The following KDM4C variants were observed in gnomAD, a reference collection of about 807,000 sequenced individuals.
The protein encoded by KDM4C is lysine demethylase 4C, also known as lysine-specific demethylase 4C.
In KDM4C, 81 loss-of-function variants were observed where a neutral mutation model predicts 129.3. That is an observed-to-expected ratio of 0.63 (90% confidence interval 0.52 to 0.75). The LOEUF (loss-of-function observed/expected upper bound fraction) is 0.75. KDM4C is among the 30% of genes least tolerant of loss of function. KDM4C has a pLI of 0.00. For missense variants in KDM4C, 1,457 were observed against 1,304.0 expected, an observed-to-expected ratio of 1.12 and a Z score of -1.81; for synonymous variants, 573 against 456.1, an observed-to-expected ratio of 1.26 and a Z score of -3.26.
chr9:6,972,902 C>G (rs1335494882), intron 8 of KDM4C, among the ~76,000 whole-genome samples: 1 of 152,096 alleles, frequency 6.6e-6, no homozygotes, highest in South Asian at 2.1e-4. Context: ...GTGTGTTTTT[C>G]TATCTTCTGT....
At chr9:6,937,925 T>C (rs1306890070) in intron 8 of KDM4C, among the ~76,000 whole-genome samples, 1 of 152,116 alleles carries the variant, frequency 6.6e-6, no homozygotes, top group East Asian at 1.9e-4. Flanking sequence ...TTGGCCAGGC[T>C]GGTCTCGAAC....
chr9:6,744,564 T>A (rs1000932712), intron 1 of KDM4C, among the ~76,000 whole-genome samples: 3 of 152,122 alleles, frequency 2.0e-5, no homozygotes, highest in African/African-American at 7.2e-5. Flanking sequence ...GCTTAATTTT[T>A]AAAAATATTT....
chr9:6,756,902 TTA>T (rs1295274878), upstream of KDM4C, among the ~76,000 whole-genome samples: 3 of 152,328 alleles, frequency 2.0e-5, no homozygotes, highest in Admixed American at 2.0e-4. Context: ...TAAAATTCTG[TTA>T]TCAGTATAAT....
chr9:6,884,068 T>TTAA (rs1382916283), intron 6 of KDM4C, among the ~76,000 whole-genome samples: 2 of 152,150 alleles, frequency 1.3e-5, no homozygotes, highest in Non-Finnish European at 2.9e-5. Flanking sequence ...AACAAGCCAC[T>TTAA]TGTTTAGGAG....
chr9:6,799,432 G>A (rs1828476221), intron 2 of KDM4C, among the ~76,000 whole-genome samples: 1 of 152,144 alleles, frequency 6.6e-6, no homozygotes, highest in African/African-American at 2.4e-5. Context: ...AGGAGTGGCG[G>A]CGCGCGTCTG....
chr9:7,143,584 T>C (rs1841961635), intron 19 of KDM4C, among the ~76,000 whole-genome samples: 1 of 152,224 alleles, frequency 6.6e-6, no homozygotes, highest in Admixed American at 6.5e-5. Flanking sequence ...CTTGTTTGGA[T>C]AAATCTAACA....
chr9:7,074,571 C>T (rs1833655764), intron 17 of KDM4C, among the ~76,000 whole-genome samples: 1 of 152,078 alleles, frequency 6.6e-6, no homozygotes, highest in African/African-American at 2.4e-5. Flanking sequence ...TATTTTTCAG[C>T]TTATAAGTAA....
rs183522233 is a variant in KDM4C, at chr9:7,069,228, T to A, written c.2424+20028T>A. Among the ~76,000 whole-genome samples the A allele has an allele frequency of 5.1e-3, 770 of 152,346 alleles. 9 individuals carry two copies. The highest frequency in any genetic ancestry group is 0.017 in the African/African-American group (710 of 41,566). ...TAATACCATTACAACAGTGAAATGA[T>A]GTTAAAATAATGATGAATATGTAGT... is the stretch of plus-strand genomic sequence containing the variant. On this transcript the variant is annotated intron_variant, in intron 17 of 21. Coordinates refer to ENST00000381309, the MANE Select transcript of KDM4C (RefSeq NM_015061.6).
chr9:6,935,398 C>T (rs1260201555), intron 8 of KDM4C, among the ~76,000 whole-genome samples: 1 of 151,818 alleles, frequency 6.6e-6, no homozygotes, highest in Non-Finnish European at 1.5e-5. Flanking sequence ...TACAGTAAAA[C>T]ATGATTTTTC....
At chr9:6,935,765 T>C (rs141569352) in intron 8 of KDM4C, among the ~76,000 whole-genome samples, 155 of 152,322 alleles carry the variant, frequency 1.0e-3, no homozygotes, top group African/African-American at 3.6e-3. Flanking sequence ...CTTTAATGTA[T>C]GTCTTTGTAG....
chr9:6,838,272 G>A (rs1026596068), intron 4 of KDM4C, among the ~76,000 whole-genome samples: 1 of 152,070 alleles, frequency 6.6e-6, no homozygotes, highest in African/African-American at 2.4e-5. Flanking sequence ...TTGAGGGGCT[G>A]GTCTGAACAA....
intron 19 of KDM4C, among the ~76,000 whole-genome samples, chr9:7,150,802 C>T (rs1842659546): frequency 6.6e-6 from 1 of 152,192 alleles, no homozygotes; most frequent in East Asian, 1.9e-4. Context: ...AAACAGCTGC[C>T]TTTGTACTTT....
chr9:7,095,051 A>G (rs1055585904), intron 17 of KDM4C, among the ~76,000 whole-genome samples: 7 of 152,360 alleles, frequency 4.6e-5, no homozygotes, highest in East Asian at 1.9e-4. Context: ...AACCAAGGTA[A>G]GTATATATAG....
intron 12 of KDM4C, among the ~76,000 whole-genome samples, chr9:7,002,508 A>C (rs1820912812): frequency 6.6e-6 from 1 of 152,148 alleles, no homozygotes; most frequent in Admixed American, 6.5e-5. Context: ...ATTTCTCTTC[A>C]GATCATGTGG....
At chr9:7,164,317 T>G (rs1165089025) in intron 19 of KDM4C, among the ~76,000 whole-genome samples, 1 of 151,602 alleles carries the variant, frequency 6.6e-6, no homozygotes, top group East Asian at 1.9e-4. Flanking sequence ...TGTTTAAATG[T>G]TTTACTAACT....
chr9:6,879,764 T>C (rs958903533), intron 5 of KDM4C, among the ~76,000 whole-genome samples: 1 of 152,218 alleles, frequency 6.6e-6, no homozygotes, highest in Non-Finnish European at 1.5e-5. Flanking sequence ...CTTTGTTCCC[T>C]AATTTGTAAA....
At chr9:6,830,462 AGAGTCATGAATGCCAG>A (rs1834631302) in intron 4 of KDM4C, among the ~76,000 whole-genome samples, 2 of 152,078 alleles carry the variant, frequency 1.3e-5, no homozygotes, top group African/African-American at 4.8e-5. Flanking sequence ...GTGCAGAGTT[AGAGTCATGAATGCCAG>A]GAGTCTGATT....
At chr9:7,141,545 C>T (rs1233865074) in intron 19 of KDM4C, among the ~76,000 whole-genome samples, 1 of 152,088 alleles carries the variant, frequency 6.6e-6, no homozygotes, top group African/African-American at 2.4e-5. Flanking sequence ...TAATGGGGGC[C>T]AAGGAAGAAA....
rs554198826 is a variant in KDM4C at position 7,131,429 on chromosome 9, C to T, written c.2781+3193C>T. 2.6e-5 allele frequency among the ~76,000 whole-genome samples: 4 copies of T among 152,184 alleles called. No individual in the cohort carries two copies. In the South Asian group the frequency reaches 6.2e-4, roughly 24 times the overall value. On this transcript the variant is annotated intron_variant, in intron 19 of 21. Coordinates refer to ENST00000381309, the MANE Select transcript of KDM4C (RefSeq NM_015061.6). Reference sequence around the variant, plus strand: ...AGAGAAGCGGAACCAATAGGAGATACACTTGTAGAAAGAGATGATAAGGAA... The same window carrying T: ...AGAGAAGCGGAACCAATAGGAGATATACTTGTAGAAAGAGATGATAAGGAA...
Sources: allele counts gnomAD v4.1 joint callset (sites outside exome capture counted in the v4.1 genomes callset), GRCh38; gene constraint gnomAD v4.1.1; transcripts MANE v1.5; gene names NCBI Gene and HGNC (gene_info 2026-07-23, HGNC 2026-07-21).